The following AOPEP variants were observed in gnomAD, a reference collection of about 807,000 sequenced individuals.
The protein encoded by AOPEP is aminopeptidase O (putative), also known as aminopeptidase O.
Under a neutral mutation model 98.1 loss-of-function variants are expected in AOPEP, and 77 were observed. That is an observed-to-expected ratio of 0.78 (90% CI 0.65 to 0.95). AOPEP has a LOEUF of 0.95. Among genes scored for constraint, AOPEP ranks in the 40% least tolerant of loss-of-function variants. AOPEP has a pLI of 0.00. For missense variants in AOPEP, 1,024 were observed against 1,024.7 expected, an observed-to-expected ratio of 1.00 and a Z score of 0.01; for synonymous variants, 346 against 365.3, an observed-to-expected ratio of 0.95 and a Z score of 0.60.
chr9:95,049,219 G>T (rs1244537583), intron 13 of AOPEP, among the ~76,000 whole-genome samples: 2 of 152,198 alleles, frequency 1.3e-5, no homozygotes, highest in East Asian at 1.9e-4. Flanking sequence ...TTTCAAGCTG[G>T]TTTGTTTTAA....
chr9:94,924,889 C>G (rs1232010240), intron 6 of AOPEP, among the ~76,000 whole-genome samples: 5 of 152,244 alleles, frequency 3.3e-5, no homozygotes, highest in African/African-American at 4.8e-5. Flanking sequence ...CTGGTGCACA[C>G]GCTCCCAGTT....
chr9:94,863,557 A>G (rs1026726146), intron 5 of AOPEP, among the ~76,000 whole-genome samples: 4 of 152,154 alleles, frequency 2.6e-5, no homozygotes, highest in African/African-American at 2.4e-5. Flanking sequence ...TTGGGATTAC[A>G]GGTGCATGCC....
At chr9:94,928,130 G>T (rs2054649264) in intron 6 of AOPEP, among the ~76,000 whole-genome samples, 1 of 152,210 alleles carries the variant, frequency 6.6e-6, no homozygotes, top group Non-Finnish European at 1.5e-5. Flanking sequence ...CCCAAGGGAA[G>T]CCCACTCTCT....
intron 5 of AOPEP, among the ~76,000 whole-genome samples, chr9:94,803,312 C>T (rs1198883248): frequency 6.6e-6 from 1 of 152,108 alleles, no homozygotes; most frequent in Non-Finnish European, 1.5e-5. Flanking sequence ...GTGATTAGGT[C>T]TTAATTATAA....
At chr9:95,082,883 C>A in intron 16 of AOPEP, 164 bp downstream of exon 16, 1 of 745,404 alleles carries the variant, frequency 1.3e-6, no homozygotes, top group Non-Finnish European at 2.1e-6. Context: ...GGGTGCTGGG[C>A]TGGTATGGGA....
chr9:94,809,064 G>A (rs530647281), intron 5 of AOPEP, among the ~76,000 whole-genome samples: 42 of 152,316 alleles, frequency 2.8e-4, no homozygotes, highest in African/African-American at 9.9e-4. Context: ...ATGTATCAAC[G>A]GACAGGTGTG....
intron 11 of AOPEP, among the ~76,000 whole-genome samples, chr9:94,986,040 G>A (rs1384458190): frequency 6.6e-6 from 1 of 152,094 alleles, no homozygotes; most frequent in Admixed American, 6.6e-5. Context: ...AGTTTGCTGG[G>A]GTTGCCATAA....
At chr9:94,990,436 G>C (rs2060820664) in intron 11 of AOPEP, among the ~76,000 whole-genome samples, 1 of 152,108 alleles carries the variant, frequency 6.6e-6, no homozygotes. Context: ...TTTTTAGAAA[G>C]AAAGAGCAAT....
At chr9:95,076,033 A>G (rs977016586) in intron 14 of AOPEP, among the ~76,000 whole-genome samples, 1 of 152,216 alleles carries the variant, frequency 6.6e-6, no homozygotes, top group Non-Finnish European at 1.5e-5. Context: ...TCTTCAGGCC[A>G]GTGGGTAGCT....
At chr9:94,998,954 C>T (rs925755316) in intron 11 of AOPEP, among the ~76,000 whole-genome samples, 3 of 152,082 alleles carry the variant, frequency 2.0e-5, no homozygotes, top group East Asian at 3.9e-4. Context: ...ATTATATCTG[C>T]GTAGTATTAT....
the AOPEP span, among the ~76,000 whole-genome samples, chr9:95,144,480 A>C: frequency 6.6e-6 from 1 of 152,238 alleles, no homozygotes; most frequent in African/African-American, 2.4e-5. Flanking sequence ...CCCTCTGAGC[A>C]CTGTGCTAGA....
chr9:95,045,900 G>A (rs962665276), intron 13 of AOPEP, among the ~76,000 whole-genome samples: 9 of 152,256 alleles, frequency 5.9e-5, no homozygotes, highest in Admixed American at 5.2e-4. Flanking sequence ...AGTGGTGTTC[G>A]GGGATTTGCT....
At chr9:94,730,141 G>C (rs1830172696) in intron 1 of AOPEP, among the ~76,000 whole-genome samples, 1 of 152,072 alleles carries the variant, frequency 6.6e-6, no homozygotes, top group Non-Finnish European at 1.5e-5. Context: ...AAAATTAGCT[G>C]GGCGTGGTGG....
At chr9:95,109,622 G>A in the AOPEP span, 1 of 152,180 alleles carries the variant, frequency 6.6e-6, no homozygotes, top group Non-Finnish European at 1.5e-5. Flanking sequence ...CTTCTCACAG[G>A]CAGGACACAT....
chr9:94,849,532 T>G (rs2043282397), intron 5 of AOPEP, among the ~76,000 whole-genome samples: 1 of 147,796 alleles, frequency 6.8e-6, no homozygotes, highest in African/African-American at 2.5e-5. Context: ...AGTAATATCT[T>G]CAAATACTTT....
chr9:94,968,519 G>T (rs190371585), intron 10 of AOPEP, among the ~76,000 whole-genome samples: 147 of 152,016 alleles, frequency 9.7e-4, no homozygotes, highest in Non-Finnish European at 1.7e-3. Context: ...TGGGATTACA[G>T]GGGTGTGCCA....
chr9:95,034,633 C>T (rs1196243944), intron 13 of AOPEP, among the ~76,000 whole-genome samples: 1 of 152,232 alleles, frequency 6.6e-6, no homozygotes, highest in Admixed American at 6.5e-5. Flanking sequence ...CATTTTGGCT[C>T]ATCAGTTTTT....
chr9:95,041,444 GGGGTGTGT>G (rs1194207322), intron 13 of AOPEP, among the ~76,000 whole-genome samples: 10 of 144,308 alleles, frequency 6.9e-5, no homozygotes, highest in East Asian at 2.0e-4. Context: ...AGAGTCCTTG[GGGGTGTGT>G]GTGTGTGTGT....
At chr9:94,757,641 A>G (rs1837355256) in intron 1 of AOPEP, among the ~76,000 whole-genome samples, 2 of 152,252 alleles carry the variant, frequency 1.3e-5, no homozygotes, top group Non-Finnish European at 1.5e-5. Context: ...ATAAATAATT[A>G]TATCTATAAT....
Sources: allele counts gnomAD v4.1 joint callset (sites outside exome capture counted in the v4.1 genomes callset), GRCh38; gene constraint gnomAD v4.1.1; transcripts MANE v1.5; gene names NCBI Gene and HGNC (gene_info 2026-07-23, HGNC 2026-07-21).